RUNX2: variants seen among roughly 807,000 people sequenced by gnomAD.
RUNX2 encodes the protein RUNX family transcription factor 2, also known as runt-related transcription factor 2.
A neutral mutation model predicts 51.7 loss-of-function variants in RUNX2; 10 were observed. The observed-to-expected ratio is 0.19, with a 90% confidence interval of 0.12 to 0.33. RUNX2 has a LOEUF of 0.33. Ranked by LOEUF, RUNX2 falls within the 10% of genes least tolerant of loss-of-function variation. The pLI, the probability that RUNX2 is intolerant of heterozygous loss-of-function variation, is 1.00. For synonymous variants in RUNX2, 276 were observed against 273.6 expected, an observed-to-expected ratio of 1.01 and a Z score of -0.09; for missense variants, 562 against 691.3, an observed-to-expected ratio of 0.81 and a Z score of 2.10.
chr6:45,407,864 A>AT (rs533087047), intron 2 of RUNX2, among the ~76,000 whole-genome samples: 154 of 151,968 alleles, frequency 1.0e-3, no homozygotes, highest in African/African-American at 3.6e-3. Context: ...ATGCTTCACT[A>AT]TTTTTTCAGC....
At chr6:45,431,035 A>G (rs1798528012) in intron 3 of RUNX2, among the ~76,000 whole-genome samples, 1 of 152,216 alleles carries the variant, frequency 6.6e-6, no homozygotes, top group Non-Finnish European at 1.5e-5. Context: ...CTCTAGTCTT[A>G]GAGCAGAGAA....
At chr6:45,328,902 T>C in intron 2 of RUNX2, 118 bp downstream of exon 2, 1 of 1,046,196 alleles carries the variant, frequency 9.6e-7, no homozygotes, top group East Asian at 2.4e-5. Context: ...AATTATGCTA[T>C]CTTGTTGCAT....
chr6:45,525,555 T>C (rs2150434199), intron 7 of RUNX2, among the ~76,000 whole-genome samples: 1 of 152,320 alleles, frequency 6.6e-6, no homozygotes, highest in Admixed American at 6.5e-5. Context: ...CTTCTGTAGG[T>C]CTTAGTTTCT....
intron 2 of RUNX2, among the ~76,000 whole-genome samples, chr6:45,379,245 T>A (rs1797163158): frequency 6.6e-6 from 1 of 152,154 alleles, no homozygotes; most frequent in South Asian, 2.1e-4. Flanking sequence ...AAATCAGGGA[T>A]CAATTCATTG....
At chr6:45,356,291 T>C (rs1370299503) in intron 2 of RUNX2, among the ~76,000 whole-genome samples, 1 of 152,142 alleles carries the variant, frequency 6.6e-6, no homozygotes, top group African/African-American at 2.4e-5. Context: ...TTTGAATATA[T>C]ATTTTTTATA....
At position 45,491,975 on chromosome 6, in the gene RUNX2, T is replaced by A. The variant is rs749040759; in HGVS notation, c.720T>A (p.Ser240Arg). ...HRQKLDDSKPSLFSDRLSDLG... is the reference protein window; with the variant it reads ...HRQKLDDSKPRLFSDRLSDLG... Reference sequence around the variant, plus strand: ...AGAAGCTTGATGACTCTAAACCTAGTTTGTTCTCTGACCGCCTCAGTGATT... The same window carrying A: ...AGAAGCTTGATGACTCTAAACCTAGATTGTTCTCTGACCGCCTCAGTGATT... The change falls in exon 6 of 9, where the codon AGT becomes AGA. Residue 240 changes from serine (S) to arginine (R), a missense_variant. Ser to Arg is a moderately radical substitution (Grantham distance 110, BLOSUM62 -1). This residue lies in a region of RUNX2 where 37 missense variants were observed against 66.5 expected (regional missense o/e 0.56). Coordinates refer to ENST00000647337, the MANE Select transcript of RUNX2 (RefSeq NM_001024630.4). 1 of 1,613,938 alleles carries A rather than the reference T, an allele frequency of 6.2e-7. No individual in the cohort carries two copies.
rs994388528 is a variant in RUNX2, at chr6:45,549,626, TAAAA to T, written c.*2324_*2327del. 14 of 367,126 alleles carry T rather than the reference TAAAA, an allele frequency of 3.8e-5. No homozygotes were observed. The highest frequency in any genetic ancestry group is 2.3e-4 in the African/African-American group (11 of 48,082). The allele number at this position is 367,126 out of a possible 1,614,324, so 22.7% of individuals were successfully genotyped here. On this transcript the variant is annotated 3_prime_UTR_variant, in exon 9 of 9. Transcript: ENST00000647337. ...TATGTGTGTTTGTTTCAGCAGCACT[TAAAA>T]AAGCCAGTGTCTGGTTACACATTTC...
At chr6:45,450,897 A>G (rs1320248691) in intron 5 of RUNX2, among the ~76,000 whole-genome samples, 3 of 152,172 alleles carry the variant, frequency 2.0e-5, no homozygotes, top group Non-Finnish European at 4.4e-5. Context: ...AATTGTACCC[A>G]AGGCTGGTGT....
At chr6:45,520,522 ATGCCTGGC>A (rs1306873467) in intron 7 of RUNX2, among the ~76,000 whole-genome samples, 2 of 152,166 alleles carry the variant, frequency 1.3e-5, no homozygotes, top group Non-Finnish European at 2.9e-5. Flanking sequence ...TCTCTTAAAA[ATGCCTGGC>A]ATTCCTTAAG....
intron 6 of RUNX2, among the ~76,000 whole-genome samples, chr6:45,507,774 T>A (rs1163830881): frequency 6.6e-6 from 1 of 152,178 alleles, no homozygotes; most frequent in Non-Finnish European, 1.5e-5. Context: ...ATGCTCCAAA[T>A]TGTGAACTAC....
At chr6:45,520,743 CAG>C (rs1380341303) in intron 7 of RUNX2, among the ~76,000 whole-genome samples, 3 of 151,734 alleles carry the variant, frequency 2.0e-5, no homozygotes, top group Admixed American at 6.6e-5. Flanking sequence ...TTTTTTGAGA[CAG>C]AGTCTCACTC....
intron 2 of RUNX2, among the ~76,000 whole-genome samples, chr6:45,370,146 A>G (rs901694316): frequency 2.6e-5 from 4 of 152,232 alleles, no homozygotes; most frequent in African/African-American, 9.6e-5. Context: ...TGCAATCAAG[A>G]AGACCAGTTA....
chr6:45,347,618 C>T (rs1791147599), intron 2 of RUNX2, among the ~76,000 whole-genome samples: 1 of 151,746 alleles, frequency 6.6e-6, no homozygotes, highest in Non-Finnish European at 1.5e-5. Flanking sequence ...GGTCTGTCTG[C>T]AAAAGCAAGG....
intron 5 of RUNX2, among the ~76,000 whole-genome samples, chr6:45,457,727 A>G (rs1378214097): frequency 6.6e-6 from 1 of 152,182 alleles, no homozygotes; most frequent in African/African-American, 2.4e-5. Flanking sequence ...TGAAGTAGAG[A>G]AAAGTAGGAG....
intron 5 of RUNX2, among the ~76,000 whole-genome samples, chr6:45,454,825 A>C (rs1799275334): frequency 6.6e-6 from 1 of 152,182 alleles, no homozygotes; most frequent in African/African-American, 2.4e-5. Context: ...AGGAAAACAC[A>C]GTCTCAGGCC....
chr6:45,332,499 CTCCAAA>C (rs1448478999), intron 2 of RUNX2, among the ~76,000 whole-genome samples: 2 of 151,874 alleles, frequency 1.3e-5, no homozygotes, highest in East Asian at 3.9e-4. Flanking sequence ...TCAAATCCCT[CTCCAAA>C]GCATACAAAT....
chr6:45,512,106 T>C, intron 6 of RUNX2, 140 bp from the exon 7 acceptor site: 5 of 698,928 alleles, frequency 7.2e-6, no homozygotes, highest in Non-Finnish European at 1.2e-5. Context: ...TAAATAGCCA[T>C]TCCTTATATA....
intron 6 of RUNX2, among the ~76,000 whole-genome samples, chr6:45,509,019 T>G (rs1040077883): frequency 6.6e-6 from 1 of 152,046 alleles, no homozygotes; most frequent in Non-Finnish European, 1.5e-5. Flanking sequence ...TAGCATAGAG[T>G]CATATTTTAA....
At chr6:45,541,679 C>T (rs978152269) in intron 7 of RUNX2, among the ~76,000 whole-genome samples, 7 of 152,098 alleles carry the variant, frequency 4.6e-5, no homozygotes, top group African/African-American at 1.4e-4. Flanking sequence ...CTGAATATGC[C>T]AGCATATGTT....
Sources: allele counts gnomAD v4.1 joint callset (sites outside exome capture counted in the v4.1 genomes callset), GRCh38; gene constraint gnomAD v4.1.1; regional missense constraint gnomAD v4.1.1; transcripts MANE v1.5; gene names NCBI Gene and HGNC (gene_info 2026-07-23, HGNC 2026-07-21).